The following CSMD1 variants were observed in gnomAD, a reference collection of about 807,000 sequenced individuals.
The protein encoded by CSMD1 is CUB and sushi domain-containing protein 1.
A neutral mutation model predicts 417.5 loss-of-function variants in CSMD1; 213 were observed. The ratio of observed to expected loss-of-function variants is 0.51; its 90% CI spans 0.46 to 0.57. CSMD1 has a LOEUF of 0.57. Among genes scored for constraint, CSMD1 ranks in the 20% least tolerant of loss-of-function variants. CSMD1 has a pLI of 0.00. For missense variants in CSMD1, 6,923 were observed against 4,529.7 expected (o/e 1.53, Z -15.17); for synonymous variants, 2,862 against 1,736.8 (o/e 1.65, Z -16.11).
At chr8:3,138,613 A>G (rs1490127388) in intron 41 of CSMD1, among the ~76,000 whole-genome samples, 3 of 152,206 alleles carry the variant, frequency 2.0e-5, no homozygotes, top group African/African-American at 7.2e-5. Flanking sequence ...GCAGGGTATT[A>G]CATAGAAACA....
intron 3 of CSMD1, among the ~76,000 whole-genome samples, chr8:4,314,757 T>A (rs1798823656): frequency 6.6e-6 from 1 of 152,220 alleles, no homozygotes; most frequent in South Asian, 2.1e-4. Context: ...CTGACCCATG[T>A]CTTCTAATGA....
chr8:3,835,939 G>T (rs957248038), intron 5 of CSMD1, among the ~76,000 whole-genome samples: 1 of 151,950 alleles, frequency 6.6e-6, no homozygotes, highest in Admixed American at 6.6e-5. Flanking sequence ...AACAATATGG[G>T]TCCAGGAATA....
chr8:3,535,105 G>T (rs550499468), intron 10 of CSMD1, among the ~76,000 whole-genome samples: 1 of 148,804 alleles, frequency 6.7e-6, no homozygotes, highest in Non-Finnish European at 1.5e-5. Context: ...TACCAACATA[G>T]TCAGCTAATA....
chr8:3,947,052 G>C (rs1035239247), intron 5 of CSMD1, among the ~76,000 whole-genome samples: 3 of 152,052 alleles, frequency 2.0e-5, no homozygotes, highest in African/African-American at 7.2e-5. Flanking sequence ...CACTTGCTTG[G>C]TAACTTCATT....
intron 26 of CSMD1, among the ~76,000 whole-genome samples, chr8:3,243,762 A>T (rs1799699352): frequency 6.6e-6 from 1 of 150,678 alleles, no homozygotes; most frequent in Non-Finnish European, 1.5e-5. Context: ...GTATTTATAT[A>T]AACAATATCA....
intron 50 of CSMD1, chr8:3,043,927 A>G (rs556184646): frequency 1.3e-5 from 2 of 152,442 alleles, no homozygotes; most frequent in South Asian, 4.1e-4. Flanking sequence ...TTGTATAAAT[A>G]TTCATAAATA....
chr8:4,043,647 G>C (rs985411854), intron 3 of CSMD1, among the ~76,000 whole-genome samples: 2 of 152,178 alleles, frequency 1.3e-5, no homozygotes, highest in African/African-American at 4.8e-5. Flanking sequence ...TTTAATTCTA[G>C]GAGTGGTGGT....
intron 3 of CSMD1, among the ~76,000 whole-genome samples, chr8:4,232,432 C>G (rs1801793264): frequency 6.6e-6 from 1 of 152,170 alleles, no homozygotes; most frequent in African/African-American, 2.4e-5. Context: ...CTCCTGACCT[C>G]AGGTGATCTG....
intron 22 of CSMD1, among the ~76,000 whole-genome samples, chr8:3,345,099 G>C (rs1160148992): frequency 2.0e-5 from 3 of 152,218 alleles, no homozygotes; most frequent in Non-Finnish European, 4.4e-5. Context: ...GTAATTGACA[G>C]AAATCCATAA....
At chr8:4,034,658 T>G (rs1288246830) in intron 3 of CSMD1, among the ~76,000 whole-genome samples, 1 of 152,094 alleles carries the variant, frequency 6.6e-6, no homozygotes, top group Non-Finnish European at 1.5e-5. Context: ...ACCGTAAATG[T>G]GAAGAGTGAG....
At chr8:3,087,953 T>C (rs1443047653) in intron 48 of CSMD1, among the ~76,000 whole-genome samples, 3 of 152,230 alleles carry the variant, frequency 2.0e-5, no homozygotes, top group Non-Finnish European at 4.4e-5. Context: ...ATTTTCTTAA[T>C]CAAGGCCATT....
chr8:4,716,014 G>A (rs1808630798), intron 1 of CSMD1, among the ~76,000 whole-genome samples: 1 of 152,182 alleles, frequency 6.6e-6, no homozygotes, highest in Non-Finnish European at 1.5e-5. Flanking sequence ...AAGAGCACAG[G>A]GGCCAGGGCA....
At position 4,970,892 on chromosome 8, in the gene CSMD1, C is replaced by T. The variant is rs77114174; in HGVS notation, c.85+23440G>A. On this transcript the variant is annotated intron_variant, in intron 1 of 69. Coordinates refer to ENST00000635120, the MANE Select transcript of CSMD1 (RefSeq NM_033225.6). ...GTATTTTATTAAGAAAGGAAAGTAA[C>T]GAAGTGCTTTTTATGTAATAAAGGT... Among the ~76,000 whole-genome samples, 382 of 152,008 alleles carry T rather than the reference C, an allele frequency of 2.5e-3. 6 individuals are homozygous for T. The East Asian group carries it at 0.031, about 12-fold the overall frequency.
chr8:3,670,239 G>A (rs996905786), intron 7 of CSMD1, among the ~76,000 whole-genome samples: 21 of 151,864 alleles, frequency 1.4e-4, no homozygotes, highest in East Asian at 3.9e-4. Context: ...CAAAGCAGGC[G>A]GAAAAATATG....
chr8:4,483,333 G>A lies in CSMD1; in HGVS notation c.303-63268C>T, dbSNP rs1313844777. 2.0e-5 allele frequency among the ~76,000 whole-genome samples: 3 copies of A among 152,262 alleles called. No individual in the cohort carries two copies. The East Asian group carries it at 5.8e-4, about 29-fold the overall frequency. On this transcript the variant is annotated intron_variant, in intron 2 of 69. Transcript: ENST00000635120. ...AGTCTCGGATATGTGTTTATCGGCA[G>A]CATGAAAATGAACAAATACACCAGT...
At chr8:3,449,779 A>G (rs1015380440) in intron 12 of CSMD1, among the ~76,000 whole-genome samples, 1 of 152,156 alleles carries the variant, frequency 6.6e-6, no homozygotes, top group Admixed American at 6.5e-5. Flanking sequence ...TGGCCTCCCA[A>G]AGTGCCAGCA....
chr8:4,903,013 A>AAT (rs1401121440), intron 1 of CSMD1, among the ~76,000 whole-genome samples: 616 of 6,366 alleles, frequency 0.097, 4 homozygotes, highest in African/African-American at 0.14. Flanking sequence ...TATTAATAAT[A>AAT]AATAAATAAA....
chr8:3,483,058 C>T (rs148404466), intron 11 of CSMD1, among the ~76,000 whole-genome samples: 3 of 151,880 alleles, frequency 2.0e-5, no homozygotes, highest in African/African-American at 7.2e-5. Flanking sequence ...AAGTTCCTAC[C>T]TCAAGATTCT....
intron 5 of CSMD1, among the ~76,000 whole-genome samples, chr8:3,856,298 G>T (rs1183992977): frequency 6.6e-6 from 1 of 151,970 alleles, no homozygotes; most frequent in Admixed American, 6.6e-5. Flanking sequence ...TTCATCTTCC[G>T]CCATGATTGT....
Sources: allele counts gnomAD v4.1 joint callset (sites outside exome capture counted in the v4.1 genomes callset), GRCh38; gene constraint gnomAD v4.1.1; transcripts MANE v1.5; gene names NCBI Gene and HGNC (gene_info 2026-07-23, HGNC 2026-07-21).